The following KTN1 variants were observed in gnomAD, a reference collection of about 807,000 sequenced individuals.
The protein encoded by KTN1 is kinectin.
KTN1 carries 130 observed loss-of-function variants against 222.5 expected under a neutral mutation model. The observed-to-expected ratio is 0.58, with a 90% CI of 0.51 to 0.68. The LOEUF is 0.68. Ranked by LOEUF, KTN1 falls within the 30% of genes least tolerant of loss-of-function variation. The probability of loss-of-function intolerance (pLI) is 0.00; values close to 1 mark genes in which losing one functional copy is unlikely to be tolerated. For synonymous variants in KTN1, 512 were observed against 496.3 expected, an observed-to-expected ratio of 1.03 and a Z score of -0.42; for missense variants, 1,508 against 1,500.4, an observed-to-expected ratio of 1.01 and a Z score of -0.08.
chr14:55,684,352 T>C lies in KTN1; in HGVS notation c.*249T>C. 2.8e-6 allele frequency: 1 copy of C among 363,170 alleles called. No homozygotes were observed. Among genetic ancestry groups the C allele is most frequent in the Non-Finnish European group, 4.9e-6 (1 of 203,090 alleles). 22.5% of individuals were successfully genotyped at this position (363,170 alleles called of 1,614,324 possible). On this transcript the variant is annotated 3_prime_UTR_variant, in exon 44 of 44. Coordinates refer to ENST00000395314, the MANE Select transcript of KTN1 (RefSeq NM_001079521.2). ...AATTAGACCTTTACATTCCTGAAGA[T>C]AAACATGTAATCTTTTATCTTATTT...
At chr14:55,628,135 A>T (rs2040080478) in intron 6 of KTN1, 107 bp downstream of exon 6, 13 of 683,784 alleles carry the variant, frequency 1.9e-5, no homozygotes, top group Non-Finnish European at 3.0e-5. Flanking sequence ...ATTTATGTCC[A>T]ACAAAAGTAA....
intron 5 of KTN1, among the ~76,000 whole-genome samples, chr14:55,625,856 C>T (rs2039748653): frequency 1.3e-5 from 2 of 152,080 alleles, no homozygotes; most frequent in Admixed American, 1.3e-4. Flanking sequence ...CTGCATTTTG[C>T]ACCCTTTTCA....
intron 34 of KTN1, among the ~76,000 whole-genome samples, chr14:55,669,645 G>GT (rs2045266577): frequency 6.6e-6 from 1 of 151,862 alleles, no homozygotes; most frequent in Non-Finnish European, 1.5e-5. Context: ...AACAAAACTA[G>GT]TTTTTTATCT....
chr14:55,672,837 T>G (rs540971621), intron 38 of KTN1, 92 bp from the exon 39 acceptor site: 2 of 1,131,668 alleles, frequency 1.8e-6, no homozygotes, highest in African/African-American at 1.6e-5. Flanking sequence ...TGATATAGTT[T>G]TATATTCATA....
At chr14:55,636,109 AT>A (rs1276258213) in intron 9 of KTN1, among the ~76,000 whole-genome samples, 2 of 152,244 alleles carry the variant, frequency 1.3e-5, no homozygotes. Context: ...TCGGAAGCTT[AT>A]CAGCTAAAGG....
intron 27 of KTN1, 77 bp downstream of exon 27, chr14:55,653,162 G>T: frequency 1.0e-6 from 1 of 970,908 alleles, no homozygotes; most frequent in Non-Finnish European, 1.6e-6. Context: ...AAGTAAAGAT[G>T]TTAATATGTT....
At chr14:55,585,799 T>A (rs927606647) in intron 1 of KTN1, among the ~76,000 whole-genome samples, 4 of 152,232 alleles carry the variant, frequency 2.6e-5, no homozygotes, top group Non-Finnish European at 5.9e-5. Flanking sequence ...GAATGTCAGT[T>A]AATCCAGTGA....
chr14:55,633,344 A>G lies in KTN1; in HGVS notation c.1328+3A>G. On this transcript the variant is annotated splice_donor_region_variant and intron_variant, in intron 8 of 43. Coordinates refer to ENST00000395314, the MANE Select transcript of KTN1 (RefSeq NM_001079521.2). ...ACTACAAATCAACTGGAAAGCAAGT[A>G]TGTTTCCAAATACCTTATTTTTTAA... 1.3e-6 allele frequency: 2 copies of G among 1,484,296 alleles called. No homozygotes were observed. The highest frequency in any genetic ancestry group is 9.2e-7 in the Non-Finnish European group (1 of 1,088,742). The allele number at this position is 1,484,296 out of a possible 1,614,324, so 91.9% of individuals were successfully genotyped here. A position where few individuals can be genotyped will look rare whatever the true frequency, so the allele number is the denominator to read the frequency against.
intron 12 of KTN1, 57 bp downstream of exon 12, chr14:55,637,904 C>A (rs1008645083): frequency 1.1e-5 from 14 of 1,298,132 alleles, no homozygotes; most frequent in Non-Finnish European, 1.3e-5. Flanking sequence ...TAAACACTCA[C>A]CTGAATGTCT....
intron 1 of KTN1, among the ~76,000 whole-genome samples, chr14:55,597,635 CTT>C (rs1399533274): frequency 6.6e-6 from 1 of 151,978 alleles, no homozygotes; most frequent in East Asian, 1.9e-4. Flanking sequence ...GGGCAGATCA[CTT>C]GAGGTCAGGA....
At chr14:55,676,469 A>G (rs1595312388) in intron 41 of KTN1, among the ~76,000 whole-genome samples, 1 of 152,186 alleles carries the variant, frequency 6.6e-6, no homozygotes, top group Admixed American at 6.5e-5. Context: ...TCTTATATCA[A>G]AGCTGTTTTA....
At chr14:55,640,720 A>G (rs1419788516) in intron 15 of KTN1, among the ~76,000 whole-genome samples, 2 of 151,924 alleles carry the variant, frequency 1.3e-5, no homozygotes, top group Non-Finnish European at 2.9e-5. Flanking sequence ...AAAAGGATAT[A>G]CCTTTTTGTT....
chr14:55,619,092 C>A, intron 4 of KTN1, 90 bp from the exon 5 acceptor site: 1 of 965,796 alleles, frequency 1.0e-6, no homozygotes, highest in Non-Finnish European at 1.6e-6. Flanking sequence ...ACTTTCTGGG[C>A]CGTGAATTCT....
intron 1 of KTN1, among the ~76,000 whole-genome samples, chr14:55,605,983 G>T (rs2036670745): frequency 6.6e-6 from 1 of 152,032 alleles, no homozygotes; most frequent in Non-Finnish European, 1.5e-5. Flanking sequence ...TAGTAATGTG[G>T]GTTTAAAGAA....
intron 18 of KTN1, among the ~76,000 whole-genome samples, chr14:55,645,392 G>A (rs1006580421): frequency 6.6e-6 from 1 of 152,146 alleles, no homozygotes; most frequent in Non-Finnish European, 1.5e-5. Context: ...TGCAGCATGT[G>A]GGTAAGCCAC....
In KTN1 at chr14:55,637,799, G is replaced by A; in HGVS notation, c.1737G>A (p.Glu579=). Residue 579 remains glutamate (E), a synonymous_variant, in exon 12 of 44, where the codon GAG becomes GAA. Coordinates refer to ENST00000395314, the MANE Select transcript of KTN1 (RefSeq NM_001079521.2). ...GAAAGGATATTTTGGAGCAGAATGA[G>A]GCTTTGAAAGCTCAAATTCAGCAGT... ...MQVQDILEQN[E]ALKAQIQQFH... The A allele has an allele frequency of 6.2e-7, 1 of 1,610,910 alleles. No homozygotes were observed. Among genetic ancestry groups the A allele is most frequent in the South Asian group, 1.1e-5 (1 of 90,638 alleles).
Position 55,595,249 on chromosome 14 carries a change from CTA to C in KTN1, c.-31+14898_-31+14899del, listed in dbSNP as rs529414970. Among the ~76,000 whole-genome samples, 8 of 152,290 alleles carry C rather than the reference CTA, an allele frequency of 5.3e-5. No individual in the cohort carries two copies. In the South Asian group the frequency reaches 1.7e-3, roughly 32 times the overall value. ...AAATCATAAATGTTGAAATTTCACT[CTA>C]TAGAATATTTTGTGTGTGCTTAGGT... On this transcript the variant is annotated intron_variant, in intron 1 of 43. Transcript: ENST00000395314.
intron 33 of KTN1, among the ~76,000 whole-genome samples, chr14:55,666,413 T>C (rs1291489548): frequency 6.6e-6 from 1 of 151,872 alleles, no homozygotes; most frequent in East Asian, 1.9e-4. Flanking sequence ...TGCATTTTTA[T>C]AGGGGTCTTT....
At chr14:55,664,777 T>C (rs1162406324) in intron 33 of KTN1, among the ~76,000 whole-genome samples, 2 of 152,060 alleles carry the variant, frequency 1.3e-5, no homozygotes, top group Non-Finnish European at 2.9e-5. Flanking sequence ...ATTGAGAAAA[T>C]TGAATCTGCC....
Sources: gnomAD v4.1 joint callset for allele counts (sites outside exome capture counted in the v4.1 genomes callset) on GRCh38, gnomAD v4.1.1 for gene constraint, MANE v1.5 for transcripts, NCBI Gene and HGNC (gene_info 2026-07-23, HGNC 2026-07-21) for gene names.